The following GLYR1 variants were observed in gnomAD, a reference collection of about 807,000 sequenced individuals.
The protein encoded by GLYR1 is cytokine-like nuclear factor N-PAC.
GLYR1 carries 21 observed loss-of-function variants against 72.7 expected under a neutral mutation model. That is an observed-to-expected ratio of 0.29 (90% confidence interval 0.20 to 0.42). The LOEUF (loss-of-function observed/expected upper bound fraction) is 0.42. GLYR1 is among the 10% of genes least tolerant of loss of function. GLYR1 has a pLI of 1.00. For synonymous variants in GLYR1, 392 were observed against 270.2 expected, an observed-to-expected ratio of 1.45 and a Z score of -4.42; for missense variants, 594 against 712.1, an observed-to-expected ratio of 0.83 and a Z score of 1.89.
rs146722824 is a variant in GLYR1 at position 4,828,139 on chromosome 16, G to A, written c.537+3840C>T. ...GGCTGGGGTGCAGTGGCGTGATCTC[G>A]GCTCACTTCAAGCTCCGCCTCCCGG... On this transcript the variant is annotated intron_variant, in intron 5 of 15. Coordinates refer to ENST00000321919, the MANE Select transcript of GLYR1 (RefSeq NM_032569.4). Among the ~76,000 whole-genome samples, 897 of 151,280 alleles carry A rather than the reference G, an allele frequency of 5.9e-3. 12 individuals carry two copies. Among genetic ancestry groups the A allele is most frequent in the African/African-American group, 0.02 (836 of 41,272 alleles).
intron 6 of GLYR1, among the ~76,000 whole-genome samples, 162 bp from the exon 7 acceptor site, chr16:4,823,093 T>A (rs2084146050): frequency 6.6e-6 from 1 of 152,248 alleles, no homozygotes; most frequent in Admixed American, 6.5e-5. Flanking sequence ...TAAGCCTTTT[T>A]ATAAAAACAA....
At chr16:4,824,237 G>A (rs929126726) in intron 5 of GLYR1, among the ~76,000 whole-genome samples, 3 of 152,136 alleles carry the variant, frequency 2.0e-5, no homozygotes, top group African/African-American at 7.2e-5. Context: ...TGTGGTGGCT[G>A]GGCGTGGTGG....
At chr16:4,824,507 A>AAC (rs1567725433) in intron 5 of GLYR1, among the ~76,000 whole-genome samples, 1 of 151,436 alleles carries the variant, frequency 6.6e-6, no homozygotes, top group East Asian at 1.9e-4. Context: ...TCAAAAAAAA[A>AAC]AAAAAAAAGA....
intron 15 of GLYR1, among the ~76,000 whole-genome samples, chr16:4,809,084 A>G (rs2083169303): frequency 6.6e-6 from 1 of 152,204 alleles, no homozygotes; most frequent in South Asian, 2.1e-4. Flanking sequence ...CCAATTACAT[A>G]CTGTCTATCA....
intron 5 of GLYR1, among the ~76,000 whole-genome samples, chr16:4,827,766 G>A (rs1473066766): frequency 1.3e-5 from 2 of 151,978 alleles, no homozygotes; most frequent in African/African-American, 2.4e-5. Flanking sequence ...CGGGCGTGGT[G>A]GCGGGCACCT....
chr16:4,803,592 T>C lies in GLYR1; in HGVS notation c.*1644A>G, dbSNP rs918895750. 1 of 142,286 alleles carries C rather than the reference T, an allele frequency of 7.0e-6. No individual in the cohort carries two copies. The highest frequency in any genetic ancestry group is 1.5e-5 in the Non-Finnish European group (1 of 65,532). 8.8% of individuals were successfully genotyped at this position (142,286 alleles called of 1,614,324 possible). A position where few individuals can be genotyped will look rare whatever the true frequency, so the allele number is the denominator to read the frequency against. On this transcript the variant is annotated 3_prime_UTR_variant, in exon 16 of 16. Coordinates refer to ENST00000321919, the MANE Select transcript of GLYR1 (RefSeq NM_032569.4). ...TTCCCCCGCCCCCACCCCCAGTGTG[T>C]TCCGCCAGGACTAGAACAGGCTTTG...
Position 4,804,418 on chromosome 16 carries a change from CAAATCCAAATACTA to C in GLYR1, c.*804_*817del, listed in dbSNP as rs1057237408. 1 of 152,766 alleles carries C rather than the reference CAAATCCAAATACTA, an allele frequency of 6.5e-6. No individual in the cohort carries two copies. The highest frequency in any genetic ancestry group is 2.4e-5 in the African/African-American group (1 of 41,452). 9.5% of individuals were successfully genotyped at this position (152,766 alleles called of 1,614,324 possible). A position where few individuals can be genotyped will look rare whatever the true frequency, so the allele number is the denominator to read the frequency against. ...GGACTCCCTCCCAAGGGATGGAATG[CAAATCCAAATACTA>C]AAACAGCCTAGGGAGGAGCGAGCGC... On this transcript the variant is annotated 3_prime_UTR_variant, in exon 16 of 16. Transcript: ENST00000321919.
At position 4,811,604 on chromosome 16, in the gene GLYR1, G is replaced by A. The variant is rs113260683; in HGVS notation, c.1462+19C>T. ...TAATCAAACACCAAATGCAAGAAGA[G>A]GGGCCAAAAACAACTCACTTTGGCA... On this transcript the variant is annotated intron_variant, in intron 14 of 15. Coordinates refer to ENST00000321919, the MANE Select transcript of GLYR1 (RefSeq NM_032569.4). The A allele has an allele frequency of 2.8e-4, 445 of 1,612,706 alleles. No individual in the cohort carries two copies. In the African/African-American group the frequency reaches 4.7e-3, roughly 17 times the overall value.
intron 5 of GLYR1, among the ~76,000 whole-genome samples, chr16:4,827,552 G>T (rs9938805): frequency 0.39 from 58,558 of 151,552 alleles, 11,495 homozygotes; most frequent in South Asian, 0.49. Flanking sequence ...TTTATTATGC[G>T]TTGTTTTATT....
At chr16:4,811,548 C>T in intron 14 of GLYR1, 75 bp downstream of exon 14, 1 of 1,552,270 alleles carries the variant, frequency 6.4e-7, no homozygotes, top group Admixed American at 1.7e-5. Context: ...ATCTTTCACG[C>T]TCACTAAATC....
chr16:4,833,672 C>G (rs7189141), intron 3 of GLYR1, among the ~76,000 whole-genome samples: 1 of 151,456 alleles, frequency 6.6e-6, no homozygotes, highest in Admixed American at 6.6e-5. Flanking sequence ...AAACAAGATG[C>G]TTGAGATTAA....
chr16:4,816,649 A>C (rs1369371667), intron 10 of GLYR1, among the ~76,000 whole-genome samples: 1 of 152,116 alleles, frequency 6.6e-6, no homozygotes, highest in Non-Finnish European at 1.5e-5. Context: ...TAGATTTACA[A>C]AGATCTATGT....
At chr16:4,819,580 G>A (rs938061898) in intron 9 of GLYR1, among the ~76,000 whole-genome samples, 10 of 152,132 alleles carry the variant, frequency 6.6e-5, no homozygotes, top group African/African-American at 1.7e-4. Flanking sequence ...CAAAGTGTGG[G>A]GATTACAAGG....
chr16:4,809,790 G>A lies in GLYR1; in HGVS notation c.1587+1380C>T, dbSNP rs1248629043. 2.6e-5 allele frequency among the ~76,000 whole-genome samples: 4 copies of A among 151,890 alleles called. No individual in the cohort carries two copies. The East Asian group carries it at 5.8e-4, about 22-fold the overall frequency. On this transcript the variant is annotated intron_variant, in intron 15 of 15. Coordinates refer to ENST00000321919, the MANE Select transcript of GLYR1 (RefSeq NM_032569.4). ...AATACAAAAATCAGTTGTGTATGGT[G>A]GTGTGTGCCTGTAATCCCAGCTACT...
intron 11 of GLYR1, among the ~76,000 whole-genome samples, chr16:4,814,254 C>G (rs1241664688): frequency 6.6e-6 from 1 of 152,230 alleles, no homozygotes; most frequent in Non-Finnish European, 1.5e-5. Context: ...AAGGCACATT[C>G]AGTTCCAAAG....
At chr16:4,805,745 A>G (rs1262348966) in intron 15 of GLYR1, among the ~76,000 whole-genome samples, 1 of 152,288 alleles carries the variant, frequency 6.6e-6, no homozygotes, top group East Asian at 1.9e-4. Flanking sequence ...TAGGAGGCCA[A>G]GGTGGGTGAA....
At chr16:4,821,087 C>T (rs2083991747) in intron 9 of GLYR1, 2 of 497,760 alleles carry the variant, frequency 4.0e-6, no homozygotes, top group East Asian at 3.4e-5. Context: ...AGCCACCTTC[C>T]AGGTGACTGT....
Position 4,811,627 on chromosome 16 carries a change from G to A in GLYR1, c.1458C>T (p.Cys486=). The change falls in exon 14 of 16, where the codon TGC becomes TGT. Residue 486 remains cysteine, a synonymous_variant. Transcript: ENST00000321919. ...QLASIFLDQK[C]QNILQGNFKP... ...GAGGGGCCAAAAACAACTCACTTTGGCACTTCTGGTCCAGGAAGATGCTGG... is the reference window on the plus strand; with the variant it reads ...GAGGGGCCAAAAACAACTCACTTTGACACTTCTGGTCCAGGAAGATGCTGG... The A allele has an allele frequency of 6.2e-7, 1 of 1,613,736 alleles. No individual in the cohort carries two copies. Among genetic ancestry groups the A allele is most frequent in the Non-Finnish European group, 8.5e-7 (1 of 1,180,026 alleles).
Position 4,813,741 on chromosome 16 carries a change from GC to G in GLYR1, c.1114del (p.Ala372ProfsTer3). The part of the protein sequence containing the change: ...TVDADTVTEL[A>X]QVIVSRGGRF... ...CAGCCCAAGGAAGGCTGCTACCTGG[GC>G]CAGCTCAGTGACGGTGTCAGCGTCC... On this transcript the variant is annotated frameshift_variant, in exon 12 of 16. Coordinates refer to ENST00000321919, the MANE Select transcript of GLYR1 (RefSeq NM_032569.4). LOFTEE classifies it high-confidence loss of function. 1.3e-6 allele frequency: 2 copies of G among 1,599,504 alleles called. No individual in the cohort carries two copies. The highest frequency in any genetic ancestry group is 1.7e-6 in the Non-Finnish European group (2 of 1,172,794).
Sources: allele counts gnomAD v4.1 joint callset (sites outside exome capture counted in the v4.1 genomes callset), GRCh38; gene constraint gnomAD v4.1.1; transcripts MANE v1.5; gene names NCBI Gene and HGNC (gene_info 2026-07-23, HGNC 2026-07-21).